Variants in PUM2 observed in about 807,000 individuals in gnomAD.
PUM2 encodes pumilio RNA binding family member 2.
A neutral mutation model predicts 124.5 loss-of-function variants in PUM2; 57 were observed. The ratio of observed to expected loss-of-function variants is 0.46; its 90% CI spans 0.37 to 0.57. The LOEUF (loss-of-function observed/expected upper bound fraction) is 0.57. Among genes scored for constraint, PUM2 ranks in the 20% least tolerant of loss-of-function variants. The pLI is 0.00. For synonymous variants in PUM2, 460 were observed against 446.1 expected (o/e 1.03, Z -0.39); for missense variants, 1,065 against 1,290.6 (o/e 0.83, Z 2.68).
At chr2:20,278,130 C>G (rs1258108904) in intron 13 of PUM2, among the ~76,000 whole-genome samples, 2 of 152,136 alleles carry the variant, frequency 1.3e-5, no homozygotes, top group Non-Finnish European at 2.9e-5. Flanking sequence ...TTCAAATTCA[C>G]TGAAATAATT....
At position 20,350,791 on chromosome 2, in the gene PUM2, G is replaced by A. The variant is rs1222980777; in HGVS notation, c.-213C>T. ...CCTCCGAACCACCGAAGTACCGAGG[G>A]TGAGACACAGAGACTCACAACAACA... is the stretch of plus-strand genomic sequence containing the variant. On this transcript the variant is annotated 5_prime_UTR_variant, in exon 1 of 21. Coordinates refer to ENST00000361078, the MANE Select transcript of PUM2 (RefSeq NM_015317.5). 4.1e-6 allele frequency: 4 copies of A among 979,204 alleles called. No homozygotes were observed. The highest frequency in any genetic ancestry group is 6.3e-5 in the Admixed American group (1 of 15,986). 60.7% of individuals were successfully genotyped at this position (979,204 alleles called of 1,614,324 possible).
intron 19 of PUM2, 145 bp from the exon 20 acceptor site, chr2:20,254,159 A>G: frequency 1.3e-6 from 1 of 771,168 alleles, no homozygotes; most frequent in East Asian, 2.7e-5. Context: ...CTTTTATTTT[A>G]TTTTGTTCTT....
intron 1 of PUM2, among the ~76,000 whole-genome samples, chr2:20,346,627 C>G (rs1688291496): frequency 2.0e-5 from 3 of 152,202 alleles, no homozygotes; most frequent in Admixed American, 1.3e-4. Flanking sequence ...CATAAGATGG[C>G]TACTACAATA....
rs376021554 is a variant in PUM2 at position 20,292,270 on chromosome 2, G to A, written c.1153-1480C>T. 6.7e-5 allele frequency among the ~76,000 whole-genome samples: 10 copies of A among 150,048 alleles called. 1 individual carries two copies. Among genetic ancestry groups the A allele is most frequent in the African/African-American group, 2.5e-4 (10 of 40,808 alleles). On this transcript the variant is annotated intron_variant, in intron 9 of 20. Transcript: ENST00000361078. ...GCACGGAGCCCCAGAGCTTAGCGCC[G>A]TCAGGCCCATGGCTGACAGTTGGTA... is the stretch of plus-strand genomic sequence containing the variant.
intron 3 of PUM2, among the ~76,000 whole-genome samples, chr2:20,317,481 T>G (rs1572896356): frequency 6.6e-6 from 1 of 152,180 alleles, no homozygotes; most frequent in Non-Finnish European, 1.5e-5. Flanking sequence ...CCTAGTACAA[T>G]TTAAGACTAA....
chr2:20,275,177 G>T (rs946649928), intron 13 of PUM2, among the ~76,000 whole-genome samples: 3 of 151,614 alleles, frequency 2.0e-5, no homozygotes, highest in African/African-American at 7.3e-5. Context: ...GTCAACAGGA[G>T]AACCAATATA....
chr2:20,300,700 A>G (rs1676757297), intron 7 of PUM2, among the ~76,000 whole-genome samples: 1 of 152,086 alleles, frequency 6.6e-6, no homozygotes, highest in Non-Finnish European at 1.5e-5. Flanking sequence ...TCACCAAGCC[A>G]AAAAGAAAAG....
chr2:20,322,474 G>A (rs1558643412), intron 2 of PUM2, among the ~76,000 whole-genome samples: 1 of 151,910 alleles, frequency 6.6e-6, no homozygotes, highest in East Asian at 1.9e-4. Flanking sequence ...GCCGGGTGTG[G>A]TGGCATGCAC....
chr2:20,347,491 G>A (rs931932046), intron 1 of PUM2, among the ~76,000 whole-genome samples: 2 of 152,096 alleles, frequency 1.3e-5, no homozygotes, highest in African/African-American at 2.4e-5. Flanking sequence ...TCACTCACTG[G>A]AAAAGCTTGA....
At chr2:20,280,282 G>A (rs1558536233) in intron 12 of PUM2, among the ~76,000 whole-genome samples, 2 of 152,192 alleles carry the variant, frequency 1.3e-5, no homozygotes, top group South Asian at 2.1e-4. Context: ...GACTGATCAT[G>A]TTTTGTTGAA....
At chr2:20,294,781 C>A (rs756502301) in intron 8 of PUM2, among the ~76,000 whole-genome samples, 1 of 152,150 alleles carries the variant, frequency 6.6e-6, no homozygotes. Flanking sequence ...TTAATGAATG[C>A]CAATTTTTGG....
intron 10 of PUM2, among the ~76,000 whole-genome samples, chr2:20,284,321 A>G (rs759068289): frequency 2.1e-4 from 32 of 152,198 alleles, no homozygotes; most frequent in Non-Finnish European, 3.7e-4. Context: ...CTGAGGCCCA[A>G]TAACCTTACA....
intron 13 of PUM2, among the ~76,000 whole-genome samples, chr2:20,269,095 T>C (rs1195717616): frequency 1.3e-5 from 2 of 152,192 alleles, no homozygotes; most frequent in Non-Finnish European, 2.9e-5. Context: ...TCAGTCATAC[T>C]CTGCTATGCT....
In PUM2 at chr2:20,251,334, AT is replaced by A; in HGVS notation, c.*250del. 1 of 331,950 alleles carries A rather than the reference AT, an allele frequency of 3.0e-6. No individual in the cohort carries two copies. Among genetic ancestry groups the A allele is most frequent in the Admixed American group, 4.4e-5 (1 of 22,510 alleles). 20.6% of individuals were successfully genotyped at this position (331,950 alleles called of 1,614,324 possible). A position where few individuals can be genotyped will look rare whatever the true frequency, so the allele number is the denominator to read the frequency against. On this transcript the variant is annotated 3_prime_UTR_variant, in exon 21 of 21. Coordinates refer to ENST00000361078, the MANE Select transcript of PUM2 (RefSeq NM_015317.5). ...TGATACAGTTACATCATATACAGGC[AT>A]TCTGTGCTTTGCCAGCAATCCAATC...
rs571709596 is a variant in PUM2, at chr2:20,322,519, A to C, written c.52-3874T>G. On this transcript the variant is annotated intron_variant, in intron 2 of 20. Coordinates refer to ENST00000361078, the MANE Select transcript of PUM2 (RefSeq NM_015317.5). Reference sequence around the variant, plus strand: ...CAGCTATTTAGGAGGCTGAGATGGGAGGATGGAATGAGCCTGGGAGGTCAA... The same window carrying C: ...CAGCTATTTAGGAGGCTGAGATGGGCGGATGGAATGAGCCTGGGAGGTCAA... Among the ~76,000 whole-genome samples, 3 of 152,250 alleles carry C rather than the reference A, an allele frequency of 2.0e-5. No homozygotes were observed. In the South Asian group the frequency reaches 6.2e-4, roughly 32 times the overall value.
chr2:20,271,141 AAC>A (rs1343172767), intron 13 of PUM2, among the ~76,000 whole-genome samples: 2 of 152,132 alleles, frequency 1.3e-5, no homozygotes, highest in East Asian at 3.8e-4. Flanking sequence ...TATTGTATTG[AAC>A]ACAGATATTC....
At chr2:20,290,459 CTCAATTTACCATTCCTGTCG>C (rs1673769821) in intron 10 of PUM2, among the ~76,000 whole-genome samples, 173 bp downstream of exon 10, 1 of 7,366 alleles carries the variant, frequency 1.4e-4, no homozygotes, top group African/African-American at 7.1e-4. Context: ...GTCGTTGAGT[CTCAATTTACCATTCCTGTCG>C]TTGAGTCTCA....
chr2:20,330,984 G>A (rs1684785232), intron 1 of PUM2, among the ~76,000 whole-genome samples: 1 of 152,176 alleles, frequency 6.6e-6, no homozygotes, highest in Admixed American at 6.5e-5. Context: ...ATACATGTGG[G>A]ATCATAGAAG....
In PUM2 at chr2:20,254,938, C is replaced by T. The variant is rs765612217; in HGVS notation, c.2795G>A (p.Arg932Gln). The change falls in exon 19 of 21, where the codon CGA becomes CAA. Residue 932 changes from arginine to glutamine, a missense_variant. By Grantham distance (43) the Arg-to-Gln change is conservative. Around this residue, in one of 3 missense-constraint regions of PUM2, gnomAD observed 968 missense variants for 1,159.8 expected, o/e 0.83. Coordinates refer to ENST00000361078, the MANE Select transcript of PUM2 (RefSeq NM_015317.5). The stretch of plus-strand genomic sequence containing the variant: ...AACAATTTTGCTCTTGTCTTCAGGT[C>T]GACCGTGTTCCAGTACATGCTGAAT... The part of the protein sequence containing the change: ...YVIQHVLEHG[R>Q]PEDKSKIVSE... 2 of 1,613,746 alleles carry T rather than the reference C, an allele frequency of 1.2e-6. No individual in the cohort carries two copies. The highest frequency in any genetic ancestry group is 1.1e-5 in the South Asian group (1 of 91,060).
Sources: gnomAD v4.1 joint callset for allele counts (sites outside exome capture counted in the v4.1 genomes callset) on GRCh38, gnomAD v4.1.1 for gene constraint, gnomAD v4.1.1 regional missense constraint, MANE v1.5 for transcripts, NCBI Gene and HGNC (gene_info 2026-07-23, HGNC 2026-07-21) for gene names.